Variants in DPF2 observed in about 807,000 individuals in gnomAD.
DPF2 encodes zinc finger protein ubi-d4.
Under a neutral mutation model 59.6 loss-of-function variants are expected in DPF2, and 10 were observed. The observed-to-expected ratio is 0.17, with a 90% CI of 0.10 to 0.28. The LOEUF (loss-of-function observed/expected upper bound fraction) is 0.28, where lower values mean the gene tolerates loss of function less well. Ranked by LOEUF, DPF2 falls within the 10% of genes least tolerant of loss-of-function variation. The pLI is 1.00. For synonymous variants in DPF2, 189 were observed against 190.6 expected, an observed-to-expected ratio of 0.99 and a Z score of 0.07; for missense variants, 315 against 509.4, an observed-to-expected ratio of 0.62 and a Z score of 3.67.
At chr11:65,348,583 A>T (rs1373479039) in intron 9 of DPF2, 2 of 405,998 alleles carry the variant, frequency 4.9e-6, no homozygotes, top group African/African-American at 4.1e-5. Flanking sequence ...TGTCTCAAAA[A>T]AATATACCAT....
At chr11:65,346,201 C>T (rs781732459) in intron 8 of DPF2, 46 bp from the exon 9 acceptor site, 1 of 1,603,204 alleles carries the variant, frequency 6.2e-7, no homozygotes, top group African/African-American at 1.3e-5. Flanking sequence ...TCCTCTCTTC[C>T]CCCCGCATTT....
intron 1 of DPF2, among the ~76,000 whole-genome samples, chr11:65,334,737 C>T (rs1261543831): frequency 6.6e-6 from 1 of 152,148 alleles, no homozygotes; most frequent in Non-Finnish European, 1.5e-5. Flanking sequence ...TGATTTATTC[C>T]TACAGAAGAA....
intron 9 of DPF2, 181 bp from the exon 10 acceptor site, chr11:65,348,669 C>A (rs1854608959): frequency 4.0e-6 from 2 of 500,240 alleles, no homozygotes; most frequent in South Asian, 3.2e-5. Context: ...TCTGAAAGGA[C>A]CCAAGTGAGA....
Position 65,346,071 on chromosome 11 carries a change from G to A in DPF2, c.904+13G>A, listed in dbSNP as rs370206123. On this transcript the variant is annotated intron_variant, in intron 8 of 10. Coordinates refer to ENST00000528416, the MANE Select transcript of DPF2 (RefSeq NM_006268.5). ...TGTGGCCGCTCAGGTACTGCTTCCC[G>A]TGAAGGCTGCTGCTTTGCCCAGTCC... is the stretch of plus-strand genomic sequence containing the variant. 3.7e-6 allele frequency: 6 copies of A among 1,614,018 alleles called. No individual in the cohort carries two copies. The highest frequency in any genetic ancestry group is 1.3e-5 in the African/African-American group (1 of 75,064).
chr11:65,345,473 G>A, intron 6 of DPF2, 193 bp from the exon 7 acceptor site: 6 of 694,084 alleles, frequency 8.6e-6, no homozygotes, highest in Non-Finnish European at 1.4e-5. Context: ...AGCCCCAGAA[G>A]CTAGAGAGCC....
At position 65,354,124 on chromosome 11, in the gene DPF2, G is replaced by A. The variant is rs1854798919; in HGVS notation, c.*2365G>A. Among the ~76,000 whole-genome samples, 1 of 152,214 alleles carries A rather than the reference G, an allele frequency of 6.6e-6. No homozygotes were observed. Among genetic ancestry groups the A allele is most frequent in the Non-Finnish European group, 1.5e-5 (1 of 68,032 alleles). ...GCGGAGGGAGCAGCGAGGCTGGAGA[G>A]CAGCTGGGCTGCGGGTCAAGACGTC... On this transcript the variant is annotated 3_prime_UTR_variant, in exon 11 of 11. Coordinates refer to ENST00000528416, the MANE Select transcript of DPF2 (RefSeq NM_006268.5).
chr11:65,336,785 CAAAAAAAAAAAA>C (rs751170058), intron 1 of DPF2, among the ~76,000 whole-genome samples: 2 of 65,882 alleles, frequency 3.0e-5, no homozygotes, highest in South Asian at 4.8e-4. Flanking sequence ...GACTCCATCT[CAAAAAAAAAAAA>C]AAAAAAAAAG....
chr11:65,351,230 T>C (rs555622105), intron 10 of DPF2, among the ~76,000 whole-genome samples: 1 of 152,306 alleles, frequency 6.6e-6, no homozygotes, highest in Non-Finnish European at 1.5e-5. Flanking sequence ...ACTAATTTTA[T>C]TCAAAAAAAA....
intron 10 of DPF2, among the ~76,000 whole-genome samples, chr11:65,350,072 C>T (rs181575392): frequency 1.9e-4 from 29 of 152,166 alleles, no homozygotes; most frequent in African/African-American, 6.5e-4. Context: ...GGGGAGAAGT[C>T]GCATGTTTAT....
chr11:65,346,757 A>T (rs996178071), intron 9 of DPF2: 1 of 158,634 alleles, frequency 6.3e-6, no homozygotes. Context: ...TGGGAGGGTG[A>T]TGCTGGTGTT....
chr11:65,345,900 G>C (rs747879173), intron 7 of DPF2, 30 bp from the exon 8 acceptor site: 1 of 1,613,784 alleles, frequency 6.2e-7, no homozygotes, highest in Non-Finnish European at 8.5e-7. Flanking sequence ...GGACCCCCAT[G>C]GGTGTCATCA....
chr11:65,348,749 CTT>C, intron 9 of DPF2, 99 bp from the exon 10 acceptor site: 1 of 1,158,916 alleles, frequency 8.6e-7, no homozygotes, highest in Non-Finnish European at 1.3e-6. Flanking sequence ...CACATCTGTT[CTT>C]ACCTGCTACC....
At chr11:65,336,076 G>A (rs937190201) in intron 1 of DPF2, among the ~76,000 whole-genome samples, 5 of 151,858 alleles carry the variant, frequency 3.3e-5, no homozygotes, top group Non-Finnish European at 5.9e-5. Context: ...GCCTCCCAAA[G>A]TGCTGGGATT....
At chr11:65,333,948 C>A (rs1435514280) in intron 1 of DPF2, 30 bp downstream of exon 1, 2 of 1,611,704 alleles carry the variant, frequency 1.2e-6, no homozygotes, top group East Asian at 4.5e-5. Context: ...TCTCCTAGGG[C>A]GGCAGGTTTT....
At chr11:65,337,481 A>G (rs1182658267) in intron 1 of DPF2, among the ~76,000 whole-genome samples, 3 of 32,732 alleles carry the variant, frequency 9.2e-5, no homozygotes, top group South Asian at 1.2e-3. Flanking sequence ...AAAAATATAT[A>G]TATATATATA....
At position 65,341,748 on chromosome 11, in the gene DPF2, A is replaced by G. The variant is rs1483954221; in HGVS notation, c.465+186A>G. On this transcript the variant is annotated intron_variant, in intron 4 of 10. Coordinates refer to ENST00000528416, the MANE Select transcript of DPF2 (RefSeq NM_006268.5). ...ACTGGCTTCTCTGTTGCTTCTAACT[A>G]TAGACTCTCATTCATTCACTTTTAT... 12 of 680,628 alleles carry G rather than the reference A, an allele frequency of 1.8e-5. No individual in the cohort carries two copies. In the East Asian group the frequency reaches 3.3e-4, roughly 19 times the overall value. 42.2% of individuals were successfully genotyped at this position (680,628 alleles called of 1,614,324 possible). A position where few individuals can be genotyped will look rare whatever the true frequency, so the allele number is the denominator to read the frequency against.
At chr11:65,337,504 T>TATATATATATAG (rs1282367012) in intron 1 of DPF2, among the ~76,000 whole-genome samples, 1 of 21,394 alleles carries the variant, frequency 4.7e-5, no homozygotes, top group Non-Finnish European at 8.1e-5. Context: ...TATATATATA[T>TATATATATATAG]AGAGAGAGAG....
Position 65,340,530 on chromosome 11 carries a change from C to T in DPF2, c.178C>T (p.Arg60Ter). 2 of 1,614,094 alleles carry T rather than the reference C, an allele frequency of 1.2e-6. No homozygotes were observed. The highest frequency in any genetic ancestry group is 8.5e-7 in the Non-Finnish European group (1 of 1,180,002). ...QSNCYIWMEK[R>*]HRGPGLASGQ... ...CAATTGTTACATCTGGATGGAAAAG[C>T]GACACCGGGGTCCAGGTGAGGGTCC... The change falls in exon 2 of 11, where the codon CGA (arginine) becomes TGA (stop). Residue 60 changes from arginine (R) to a stop codon, truncating the protein, a stop_gained. Coordinates refer to ENST00000528416, the MANE Select transcript of DPF2 (RefSeq NM_006268.5). LOFTEE classifies it high-confidence loss of function.
In DPF2 at chr11:65,337,494, TATATATATATAGAGAGAGAG is replaced by T. The variant is rs1318717331; in HGVS notation, c.33-2889_33-2870del. Among the ~76,000 whole-genome samples, 126 of 62,572 alleles carry T rather than the reference TATATATATATAGAGAGAGAG, an allele frequency of 2.0e-3. 1 individual carries two copies. Among genetic ancestry groups the T allele is most frequent in the African/African-American group, 7.0e-3 (108 of 15,504 alleles). 41.0% of individuals were successfully genotyped at this position (62,572 alleles called of 152,430 possible). A position where few individuals can be genotyped will look rare whatever the true frequency, so the allele number is the denominator to read the frequency against. On this transcript the variant is annotated intron_variant, in intron 1 of 10. Transcript: ENST00000528416. ...AAAAAAATATATATATATATATATA[TATATATATATAGAGAGAGAG>T]AGAGAGAGAGAGAGAGAGAGAGAGA...
Sources: gnomAD v4.1 joint callset for allele counts (sites outside exome capture counted in the v4.1 genomes callset) on GRCh38, gnomAD v4.1.1 for gene constraint, MANE v1.5 for transcripts, NCBI Gene and HGNC (gene_info 2026-07-23, HGNC 2026-07-21) for gene names.